BAZ1A: variants seen among roughly 807,000 people sequenced by gnomAD.
BAZ1A encodes bromodomain adjacent to zinc finger domain protein 1A.
A neutral mutation model predicts 185.2 loss-of-function variants in BAZ1A; 50 were observed. That is an observed-to-expected ratio of 0.27 (90% CI 0.22 to 0.34). The LOEUF (loss-of-function observed/expected upper bound fraction) is 0.34. BAZ1A is among the 10% of genes least tolerant of loss of function. BAZ1A has a pLI of 1.00. For missense variants in BAZ1A, 1,356 were observed against 1,839.9 expected, an observed-to-expected ratio of 0.74 and a Z score of 4.81; for synonymous variants, 571 against 615.6, an observed-to-expected ratio of 0.93 and a Z score of 1.07.
intron 21 of BAZ1A, among the ~76,000 whole-genome samples, chr14:34,769,720 A>G (rs972384629): frequency 6.6e-6 from 1 of 152,236 alleles, no homozygotes. Flanking sequence ...TAGTAGTAAC[A>G]GTATCTTACA....
Position 34,783,938 on chromosome 14 carries a change from T to C in BAZ1A, c.1832-11A>G. ...TCTTCATTTTTTCTCCTGTCAAAAA[T>C]TGGTAAATACTTCTGTATTATAAAT... On this transcript the variant is annotated splice_polypyrimidine_tract_variant and intron_variant, in intron 14 of 26. Transcript: ENST00000360310. The C allele has an allele frequency of 1.3e-6, 2 of 1,580,662 alleles. No individual in the cohort carries two copies. Among genetic ancestry groups the C allele is most frequent in the Non-Finnish European group, 1.7e-6 (2 of 1,168,138 alleles).
chr14:34,874,479 G>A lies in BAZ1A; in HGVS notation c.113+13C>T. The A allele has an allele frequency of 6.2e-7, 1 of 1,609,346 alleles. No homozygotes were observed. The highest frequency in any genetic ancestry group is 8.5e-7 in the Non-Finnish European group (1 of 1,176,666). ...CACACCCCCCGCGGCCCCGCACACG[G>A]CCCGGCTCTTACTCGTAGTGGCGGA... On this transcript the variant is annotated intron_variant, in intron 2 of 26. Transcript: ENST00000360310. This position sits in a 1 kb window ranked among gnomAD's most constrained non-coding sequence, Gnocchi z 4.7.
At chr14:34,837,823 G>GT (rs1205896527) in intron 3 of BAZ1A, among the ~76,000 whole-genome samples, 2 of 152,266 alleles carry the variant, frequency 1.3e-5, no homozygotes, top group East Asian at 3.9e-4. Flanking sequence ...ACACAAACAT[G>GT]TAAGATAGTC....
intron 12 of BAZ1A, among the ~76,000 whole-genome samples, chr14:34,792,428 C>CA (rs1384031544): frequency 3.3e-5 from 5 of 151,624 alleles, no homozygotes; most frequent in South Asian, 2.1e-4. Context: ...AAAAATACCC[C>CA]AAAAAAACAA....
intron 4 of BAZ1A, among the ~76,000 whole-genome samples, chr14:34,814,898 C>T (rs952565277): frequency 1.4e-4 from 22 of 151,858 alleles, no homozygotes; most frequent in Non-Finnish European, 2.6e-4. Flanking sequence ...CTCAGCCTCC[C>T]GAGTAGCTGG....
intron 20 of BAZ1A, among the ~76,000 whole-genome samples, chr14:34,772,484 C>T (rs1020019967): frequency 1.6e-4 from 25 of 152,148 alleles, no homozygotes; most frequent in Non-Finnish European, 3.4e-4. Flanking sequence ...ATAATGCTAG[C>T]CTCATGTTTC....
At chr14:34,856,466 T>C (rs2042680453) in intron 3 of BAZ1A, among the ~76,000 whole-genome samples, 1 of 152,100 alleles carries the variant, frequency 6.6e-6, no homozygotes, top group South Asian at 2.1e-4. Flanking sequence ...TTTTTAATTT[T>C]TGTAGAGACA....
Position 34,794,763 on chromosome 14 carries a change from T to A in BAZ1A, c.1349A>T (p.Asp450Val), listed in dbSNP as rs994087076. The A allele has an allele frequency of 6.2e-7, 1 of 1,613,908 alleles. No individual in the cohort carries two copies. ...ELFDLQDEFP[D>V]GVTLEVLEEA... is the part of the protein sequence containing the mutation. ...AAAGCACTTGCCTAGGGTTACTCCA[T>A]CAGGAAACTCATCTTGAAGATCAAA... The change falls in exon 11 of 27, where the codon GAT (aspartate) becomes GTT (valine). Residue 450 changes from aspartate (D) to valine (V), a missense_variant. Coordinates refer to ENST00000360310, the MANE Select transcript of BAZ1A (RefSeq NM_013448.3).
In BAZ1A at chr14:34,800,258, T is replaced by C; in HGVS notation, c.1094A>G (p.Glu365Gly). Reference sequence around the variant, plus strand: ...TTCTACTTTAAGCCTCTCTTTTTCTTCTTTTTTCTTTAGTCTCTCTTCTTC... The same window carrying C: ...TTCTACTTTAAGCCTCTCTTTTTCTCCTTTTTTCTTTAGTCTCTCTTCTTC... Reference protein sequence around the residue: ...IVEEERLKKKEEKERLKVERE... With the variant: ...IVEEERLKKKGEKERLKVERE... The change falls in exon 9 of 27, where the codon GAA (glutamate) becomes GGA (glycine). Residue 365 changes from glutamate (E) to glycine (G), a missense_variant. Physicochemically the swap from Glu to Gly is moderately conservative, Grantham distance 98. This residue lies in a region of BAZ1A where 184 missense variants were observed against 355.1 expected (regional missense o/e 0.52). Transcript: ENST00000360310. 1 of 1,419,794 alleles carries C rather than the reference T, an allele frequency of 7.0e-7. No individual in the cohort carries two copies. The highest frequency in any genetic ancestry group is 1.3e-5 in the South Asian group (1 of 75,996). The allele number at this position is 1,419,794 out of a possible 1,614,324, so 87.9% of individuals were successfully genotyped here.
At chr14:34,814,973 C>T (rs1324517456) in intron 4 of BAZ1A, among the ~76,000 whole-genome samples, 1 of 151,494 alleles carries the variant, frequency 6.6e-6, no homozygotes, top group Non-Finnish European at 1.5e-5. Flanking sequence ...CAGGGTTTCA[C>T]TATGTTGGCC....
At chr14:34,773,768 A>G (rs1327366155) in intron 19 of BAZ1A, 42 bp from the exon 20 acceptor site, 2 of 1,595,708 alleles carry the variant, frequency 1.3e-6, no homozygotes, top group South Asian at 1.1e-5. Context: ...AAAATGGAAT[A>G]TATTGTTTCT....
chr14:34,783,151 C>T lies in BAZ1A; in HGVS notation c.2079G>A (p.Glu693=), dbSNP rs1348436815. The change falls in exon 16 of 27, where the codon GAG becomes GAA. Residue 693 remains glutamate (E), a synonymous_variant. Transcript: ENST00000360310. ...KEKQEKLKED[E]QRNSTADISI... Reference sequence around the variant, plus strand: ...ATATATCTGCCGTTGAATTTCTTTGCTCATCTTCTTTCAGTTTTTCTTGTT... The same window carrying T: ...ATATATCTGCCGTTGAATTTCTTTGTTCATCTTCTTTCAGTTTTTCTTGTT... 1.9e-5 allele frequency: 30 copies of T among 1,607,694 alleles called. No homozygotes were observed. Among genetic ancestry groups the T allele is most frequent in the African/African-American group, 2.7e-5 (2 of 74,880 alleles).
intron 7 of BAZ1A, among the ~76,000 whole-genome samples, chr14:34,802,367 A>G (rs990842399): frequency 6.6e-6 from 1 of 151,864 alleles, no homozygotes; most frequent in Admixed American, 6.6e-5. Context: ...AGGCTCCTGT[A>G]TTTTTAGTAG....
chr14:34,816,986 G>T (rs1025919995), intron 4 of BAZ1A: 1 of 199,592 alleles, frequency 5.0e-6, no homozygotes, highest in African/African-American at 2.4e-5. Context: ...ACATTACTGG[G>T]CCAATTCTTG....
intron 4 of BAZ1A, among the ~76,000 whole-genome samples, chr14:34,819,103 T>C (rs2042046650): frequency 8.2e-6 from 1 of 121,226 alleles, no homozygotes; most frequent in Non-Finnish European, 1.6e-5. Context: ...ATCACGCCAC[T>C]GCACTCCGAC....
intron 25 of BAZ1A, 34 bp downstream of exon 25, chr14:34,758,670 T>C (rs1749264694): frequency 1.9e-6 from 3 of 1,603,128 alleles, no homozygotes; most frequent in African/African-American, 2.7e-5. Context: ...TCAGATAATA[T>C]ACAGGAATAC....
intron 4 of BAZ1A, among the ~76,000 whole-genome samples, chr14:34,824,408 C>CAAAAAAAAA: frequency 1.8e-4 from 12 of 65,766 alleles, no homozygotes; most frequent in African/African-American, 2.6e-4. Context: ...AGCAGCAACT[C>CAAAAAAAAA]AAAAAAAAAA....
At position 34,874,202 on chromosome 14, in the gene BAZ1A, A is replaced by C; in HGVS notation, c.113+290T>G. 3 of 307,012 alleles carry C rather than the reference A, an allele frequency of 9.8e-6. No homozygotes were observed. Among genetic ancestry groups the C allele is most frequent in the Non-Finnish European group, 1.8e-5 (3 of 164,142 alleles). 19.0% of individuals were successfully genotyped at this position (307,012 alleles called of 1,614,324 possible). On this transcript the variant is annotated intron_variant, in intron 2 of 26. Coordinates refer to ENST00000360310, the MANE Select transcript of BAZ1A (RefSeq NM_013448.3). This position sits in a 1 kb window ranked among gnomAD's most constrained non-coding sequence, Gnocchi z 4.7. ...GGGGAGTTTCCGCCGCCCCGCGGCC[A>C]AGAGGGCGGGAGGGCGACAGCAGCG... is the stretch of plus-strand genomic sequence containing the variant.
At chr14:34,832,318 A>G (rs2042261546) in intron 3 of BAZ1A, among the ~76,000 whole-genome samples, 1 of 150,792 alleles carries the variant, frequency 6.6e-6, no homozygotes, top group East Asian at 1.9e-4. Context: ...AGAAGCATTA[A>G]CATACATTAT....
Sources: allele counts gnomAD v4.1 joint callset (sites outside exome capture counted in the v4.1 genomes callset), GRCh38; gene constraint gnomAD v4.1.1; regional missense constraint gnomAD v4.1.1; non-coding constraint Gnocchi (gnomAD v3.1); transcripts MANE v1.5; gene names NCBI Gene and HGNC (gene_info 2026-07-23, HGNC 2026-07-21).